ADCY9: variants seen among roughly 807,000 people sequenced by gnomAD.
The protein encoded by ADCY9 is adenylate cyclase 9, also known as adenylate cyclase type 9.
ADCY9 carries 50 observed loss-of-function variants against 101.5 expected under a neutral mutation model. The observed-to-expected ratio is 0.49, with a 90% CI of 0.39 to 0.62. The LOEUF (loss-of-function observed/expected upper bound fraction) is 0.62, where lower values mean the gene tolerates loss of function less well. ADCY9 is among the 20% of genes least tolerant of loss of function. ADCY9 has a pLI of 0.00. For missense variants in ADCY9, 1,662 were observed against 1,800.4 expected, an observed-to-expected ratio of 0.92 and a Z score of 1.39; for synonymous variants, 905 against 769.3, an observed-to-expected ratio of 1.18 and a Z score of -2.92.
chr16:4,031,416 C>T (rs8048306), intron 2 of ADCY9, among the ~76,000 whole-genome samples: 3,758 of 152,214 alleles, frequency 0.025, 165 homozygotes, highest in African/African-American at 0.085. Context: ...ATTCAGGGTT[C>T]TTGCACAAAT....
chr16:4,104,021 T>G (rs1004455879), intron 2 of ADCY9, among the ~76,000 whole-genome samples: 1 of 152,140 alleles, frequency 6.6e-6, no homozygotes, highest in Non-Finnish European at 1.5e-5. Context: ...GCTGTTTGGA[T>G]TGCAAGCTGA....
intron 2 of ADCY9, among the ~76,000 whole-genome samples, chr16:4,046,724 C>A (rs1338122666): frequency 1.3e-5 from 2 of 152,252 alleles, no homozygotes; most frequent in South Asian, 4.1e-4. Flanking sequence ...TTTCCACAGA[C>A]CTCACATATC....
chr16:4,114,874 G>C lies in ADCY9; in HGVS notation c.569C>G (p.Ala190Gly), dbSNP rs1419334163. The part of the protein sequence containing the change: ...TLLVFALTLA[A>G]QFQVLTPVSG... ...GACAGGCGTCAAGACCTGGAACTGC[G>C]CAGCCAGGGTCAGGGCGAACACCAG... Residue 190 changes from alanine to glycine, a missense_variant, in exon 2 of 11, where the codon GCG becomes GGG. By Grantham distance (60) the Ala-to-Gly change is moderately conservative. This residue lies in a region of ADCY9 where 422 missense variants were observed against 392.0 expected (regional missense o/e 1.08). Transcript: ENST00000294016. This position sits in a 1 kb window ranked among gnomAD's most constrained non-coding sequence, Gnocchi z 4.3. 6.2e-7 allele frequency: 1 copy of C among 1,613,738 alleles called. No individual in the cohort carries two copies. The highest frequency in any genetic ancestry group is 8.5e-7 in the Non-Finnish European group (1 of 1,180,042).
At chr16:3,975,844 G>C (rs1045797130) in intron 9 of ADCY9, among the ~76,000 whole-genome samples, 5 of 152,152 alleles carry the variant, frequency 3.3e-5, no homozygotes, top group African/African-American at 9.7e-5. Context: ...ATGGGTTTAA[G>C]ATATCACGAA....
intron 2 of ADCY9, among the ~76,000 whole-genome samples, chr16:4,014,273 C>G (rs2056422919): frequency 6.7e-6 from 1 of 148,188 alleles, no homozygotes; most frequent in Admixed American, 6.8e-5. Flanking sequence ...CAGCCGAGAT[C>G]GCACCATTGC....
At chr16:3,981,793 A>G (rs2238440) in intron 7 of ADCY9, 118,073 of 151,106 alleles carry the variant, frequency 0.78, 46,709 homozygotes, top group Non-Finnish European at 0.84. Context: ...AGTAGAGATG[A>G]GGTTTCACCA....
At chr16:3,986,216 T>G (rs1463023846) in intron 6 of ADCY9, among the ~76,000 whole-genome samples, 1 of 152,222 alleles carries the variant, frequency 6.6e-6, no homozygotes, top group Non-Finnish European at 1.5e-5. Flanking sequence ...TACTTGCACC[T>G]TGTGGGCGGT....
intron 7 of ADCY9, among the ~76,000 whole-genome samples, chr16:3,980,277 A>T (rs62036946): frequency 1.4e-5 from 1 of 70,542 alleles, no homozygotes; most frequent in Non-Finnish European, 4.1e-5. Flanking sequence ...TGTGATGTTG[A>T]CACAATAAAA....
At chr16:3,968,444 T>C (rs2056018928) in intron 10 of ADCY9, among the ~76,000 whole-genome samples, 1 of 152,160 alleles carries the variant, frequency 6.6e-6, no homozygotes, top group Admixed American at 6.5e-5. Context: ...GGTTCTTAGA[T>C]TTCTAATCCA....
chr16:4,047,495 TG>T lies in ADCY9; in HGVS notation c.1694-39938del, dbSNP rs1191636038. Among the ~76,000 whole-genome samples the T allele has an allele frequency of 5.0e-5, 7 of 140,928 alleles. No homozygotes were observed. In the East Asian group the frequency reaches 1.4e-3, roughly 27 times the overall value. The allele number at this position is 140,928 out of a possible 152,430, so 92.5% of individuals were successfully genotyped here. On this transcript the variant is annotated intron_variant, in intron 2 of 10. Coordinates refer to ENST00000294016, the MANE Select transcript of ADCY9 (RefSeq NM_001116.4). ...ATTTAAAAAAATCTTCAGTTCTCCC[TG>T]GGGGGCAATTGGATTGACAATTGCA...
intron 2 of ADCY9, among the ~76,000 whole-genome samples, chr16:4,105,333 C>T (rs1338602313): frequency 1.3e-5 from 2 of 151,892 alleles, no homozygotes; most frequent in Admixed American, 6.6e-5. Flanking sequence ...ATAAATAATG[C>T]ACATAAGCCT....
intron 2 of ADCY9, among the ~76,000 whole-genome samples, chr16:4,027,748 A>AGG (rs2056526955): frequency 6.6e-6 from 1 of 152,040 alleles, no homozygotes; most frequent in South Asian, 2.1e-4. Context: ...GTGGTGGTCC[A>AGG]TGCCTGTAAT....
At chr16:4,085,109 C>A (rs1178359422) in intron 2 of ADCY9, among the ~76,000 whole-genome samples, 2 of 152,258 alleles carry the variant, frequency 1.3e-5, no homozygotes, top group East Asian at 1.9e-4. Flanking sequence ...CGCCTGTAAT[C>A]CCAGCACTTT....
At chr16:4,045,005 A>T (rs554563690) in intron 2 of ADCY9, among the ~76,000 whole-genome samples, 1 of 152,208 alleles carries the variant, frequency 6.6e-6, no homozygotes, top group South Asian at 2.1e-4. Flanking sequence ...CATGCAAGAA[A>T]TATTTATTAA....
chr16:3,979,738 C>T (rs548295552), intron 7 of ADCY9, among the ~76,000 whole-genome samples: 112 of 152,310 alleles, frequency 7.4e-4, no homozygotes, highest in Middle Eastern at 3.4e-3. Context: ...GGTGGGCAGG[C>T]GCCAGGGACA....
rs1449748658 is a variant in ADCY9 at position 4,055,663 on chromosome 16, C to T, written c.1694-48105G>A. 2.6e-5 allele frequency among the ~76,000 whole-genome samples: 4 copies of T among 152,096 alleles called. No homozygotes were observed. The East Asian group carries it at 7.8e-4, about 30-fold the overall frequency. On this transcript the variant is annotated intron_variant, in intron 2 of 10. Transcript: ENST00000294016. ...CCCGGCTAACACGGTGAAACCCCGT[C>T]TCTACTAAAAATACAAAAAAATTAG...
intron 2 of ADCY9, among the ~76,000 whole-genome samples, chr16:4,104,172 C>T (rs1313315843): frequency 2.6e-5 from 4 of 152,068 alleles, no homozygotes; most frequent in African/African-American, 4.8e-5. Flanking sequence ...CAGTATTTGC[C>T]GCCAATGATA....
At chr16:4,055,219 C>T (rs1212406355) in intron 2 of ADCY9, among the ~76,000 whole-genome samples, 2 of 152,118 alleles carry the variant, frequency 1.3e-5, no homozygotes, top group Admixed American at 1.3e-4. Context: ...GCAGATTTCA[C>T]AAGTGAAAAA....
chr16:4,058,537 G>A (rs571663594), intron 2 of ADCY9, among the ~76,000 whole-genome samples: 55 of 151,872 alleles, frequency 3.6e-4, no homozygotes, highest in African/African-American at 1.2e-3. Flanking sequence ...GCTCAGGCCC[G>A]GAACCCCATG....
Sources: allele counts gnomAD v4.1 joint callset (sites outside exome capture counted in the v4.1 genomes callset), GRCh38; gene constraint gnomAD v4.1.1; regional missense constraint gnomAD v4.1.1; non-coding constraint Gnocchi (gnomAD v3.1); transcripts MANE v1.5; gene names NCBI Gene and HGNC (gene_info 2026-07-23, HGNC 2026-07-21).